Variants in CPED1 observed in about 807,000 individuals in gnomAD.
CPED1 encodes the protein cadherin-like and PC-esterase domain-containing protein 1.
Under a neutral mutation model 128.2 loss-of-function variants are expected in CPED1, and 114 were observed. The observed-to-expected ratio is 0.89, with a 90% CI of 0.76 to 1.04. The LOEUF is 1.04. Ranked by LOEUF, CPED1 falls within the 50% of genes least tolerant of loss-of-function variation. The pLI is 0.00. For synonymous variants in CPED1, 462 were observed against 426.7 expected, an observed-to-expected ratio of 1.08 and a Z score of -1.02; for missense variants, 1,211 against 1,207.1, an observed-to-expected ratio of 1.00 and a Z score of -0.05.
intron 3 of CPED1, among the ~76,000 whole-genome samples, chr7:121,019,601 T>C (rs1792386231): frequency 6.6e-6 from 1 of 152,072 alleles, no homozygotes; most frequent in African/African-American, 2.4e-5. Flanking sequence ...GCTATTATGC[T>C]ATTACATTGC....
intron 16 of CPED1, among the ~76,000 whole-genome samples, chr7:121,172,661 C>CATAGGTAG (rs1554443545): frequency 1.4e-5 from 2 of 145,202 alleles, no homozygotes; most frequent in Non-Finnish European, 3.0e-5. Context: ...TGGATGGATA[C>CATAGGTAG]ATAGATAGAT....
At chr7:121,050,866 T>C in intron 4 of CPED1, 2 of 474,304 alleles carry the variant, frequency 4.2e-6, no homozygotes, top group South Asian at 3.1e-5. Flanking sequence ...CTCGGTACGA[T>C]GAGGCCTGCA....
intron 16 of CPED1, among the ~76,000 whole-genome samples, chr7:121,229,804 T>C (rs1270589671): frequency 1.3e-5 from 2 of 152,074 alleles, no homozygotes; most frequent in African/African-American, 2.4e-5. Context: ...TTTGTTTTTT[T>C]AGTTCACGTC....
intron 22 of CPED1, among the ~76,000 whole-genome samples, chr7:121,292,567 G>A (rs1054291142): frequency 6.6e-6 from 1 of 152,004 alleles, no homozygotes; most frequent in East Asian, 1.9e-4. Flanking sequence ...TGCTGGCGAG[G>A]AGTTGCGATC....
intron 16 of CPED1, among the ~76,000 whole-genome samples, chr7:121,214,651 TAGAA>T (rs1202382815): frequency 2.0e-5 from 3 of 152,072 alleles, no homozygotes; most frequent in South Asian, 2.1e-4. Context: ...AGACTACACA[TAGAA>T]AGGACTGTCA....
intron 2 of CPED1, among the ~76,000 whole-genome samples, chr7:121,008,941 C>T (rs1470695272): frequency 6.6e-6 from 1 of 152,178 alleles, no homozygotes; most frequent in Non-Finnish European, 1.5e-5. Flanking sequence ...AAATCTGTCC[C>T]ACTGGGTGCT....
Position 120,998,466 on chromosome 7 carries a change from A to G in CPED1, c.249+8596A>G, listed in dbSNP as rs554015287. 5.3e-5 allele frequency among the ~76,000 whole-genome samples: 8 copies of G among 152,294 alleles called. 2 individuals are homozygous for G. The highest frequency in any genetic ancestry group is 5.2e-4 in the Admixed American group (8 of 15,286). ...ATGAGATAAATCACATGAAGCACTT[A>G]AAGTGTCTGGCAGATAGAAAGCACT... On this transcript the variant is annotated intron_variant, in intron 2 of 22. Coordinates refer to ENST00000310396, the MANE Select transcript of CPED1 (RefSeq NM_024913.5).
chr7:121,264,639 A>G (rs1173155920), intron 18 of CPED1, among the ~76,000 whole-genome samples: 1 of 152,066 alleles, frequency 6.6e-6, no homozygotes, highest in Non-Finnish European at 1.5e-5. Context: ...GATTCTCGCT[A>G]AATTTTCTGC....
At chr7:121,095,238 G>T (rs771704333) in intron 5 of CPED1, among the ~76,000 whole-genome samples, 1 of 152,074 alleles carries the variant, frequency 6.6e-6, no homozygotes, top group Non-Finnish European at 1.5e-5. Flanking sequence ...ATTAATAAAT[G>T]GATTAGACTG....
chr7:121,031,535 G>A (rs995333050), intron 3 of CPED1, among the ~76,000 whole-genome samples: 4 of 152,006 alleles, frequency 2.6e-5, no homozygotes, highest in African/African-American at 4.8e-5. Flanking sequence ...TAATCCACTC[G>A]CCTTGGCCTC....
At chr7:121,028,144 G>A (rs1157092143) in intron 3 of CPED1, among the ~76,000 whole-genome samples, 1 of 152,148 alleles carries the variant, frequency 6.6e-6, no homozygotes, top group East Asian at 1.9e-4. Flanking sequence ...TTAAGTTGCA[G>A]ACTGCAGATT....
At chr7:121,256,092 T>C (rs1340598604) in intron 18 of CPED1, among the ~76,000 whole-genome samples, 1 of 67,882 alleles carries the variant, frequency 1.5e-5, no homozygotes, top group Admixed American at 1.8e-4. Context: ...AGAGCCCTAA[T>C]AGTTAAAGCA....
At chr7:121,266,902 C>T (rs1252677238) in intron 20 of CPED1, 94 bp downstream of exon 20, 1 of 878,104 alleles carries the variant, frequency 1.1e-6, no homozygotes, top group Non-Finnish European at 1.9e-6. Flanking sequence ...ATTTAAAGAA[C>T]AACTTATAAT....
Position 121,153,254 on chromosome 7 carries a change from G to A in CPED1, c.2055+11113G>A, listed in dbSNP as rs558455497. Among the ~76,000 whole-genome samples, 11 of 152,100 alleles carry A rather than the reference G, an allele frequency of 7.2e-5. No homozygotes were observed. In the South Asian group the frequency reaches 1.7e-3, roughly 23 times the overall value. ...AAAAAATACTATTATTCTAAAAGAC[G>A]GTAAACTTGTTCATATATTATAATC... On this transcript the variant is annotated intron_variant, in intron 16 of 22. Coordinates refer to ENST00000310396, the MANE Select transcript of CPED1 (RefSeq NM_024913.5).
intron 18 of CPED1, among the ~76,000 whole-genome samples, chr7:121,244,552 G>C (rs1441271256): frequency 1.3e-5 from 2 of 152,190 alleles, no homozygotes; most frequent in Non-Finnish European, 2.9e-5. Context: ...AAGTAACTCT[G>C]TTTGACAGAT....
At chr7:121,066,037 A>G (rs1052758506) in intron 5 of CPED1, among the ~76,000 whole-genome samples, 3 of 152,156 alleles carry the variant, frequency 2.0e-5, no homozygotes, top group Non-Finnish European at 2.9e-5. Context: ...ATATAATTCA[A>G]TATTCACAAA....
chr7:121,104,351 C>G (rs1794920377), intron 7 of CPED1, among the ~76,000 whole-genome samples: 1 of 152,122 alleles, frequency 6.6e-6, no homozygotes, highest in Non-Finnish European at 1.5e-5. Context: ...TCTTAAAACA[C>G]AGGTCATAAA....
chr7:121,167,574 A>C (rs1796559360), intron 16 of CPED1, among the ~76,000 whole-genome samples: 1 of 152,178 alleles, frequency 6.6e-6, no homozygotes, highest in Non-Finnish European at 1.5e-5. Flanking sequence ...TAATGAAGAG[A>C]ATAGATGCAT....
At chr7:121,152,116 AT>A (rs779293798) in intron 16 of CPED1, among the ~76,000 whole-genome samples, 9 of 152,140 alleles carry the variant, frequency 5.9e-5, no homozygotes, top group Non-Finnish European at 1.3e-4. Context: ...AACATTGAGC[AT>A]GACCTCATTC....
Sources: gnomAD v4.1 joint callset for allele counts (sites outside exome capture counted in the v4.1 genomes callset) on GRCh38, gnomAD v4.1.1 for gene constraint, MANE v1.5 for transcripts, NCBI Gene and HGNC (gene_info 2026-07-23, HGNC 2026-07-21) for gene names.